Variants in TSHZ2 observed in about 807,000 individuals in gnomAD.
The protein encoded by TSHZ2 is teashirt homolog 2.
A neutral mutation model predicts 74.4 loss-of-function variants in TSHZ2; 21 were observed. That is an observed-to-expected ratio of 0.28 (90% CI 0.20 to 0.41). The LOEUF is 0.41. Ranked by LOEUF, TSHZ2 falls within the 10% of genes least tolerant of loss-of-function variation. The pLI, the probability that TSHZ2 is intolerant of heterozygous loss-of-function variation, is 1.00. For missense variants in TSHZ2, 1,244 were observed against 1,293.5 expected, an observed-to-expected ratio of 0.96 and a Z score of 0.59; for synonymous variants, 540 against 515.3, an observed-to-expected ratio of 1.05 and a Z score of -0.65.
intron 1 of TSHZ2, among the ~76,000 whole-genome samples, chr20:53,038,874 GTTTGT>G (rs1555817840): frequency 9.2e-6 from 1 of 109,092 alleles, no homozygotes; most frequent in Non-Finnish European, 1.8e-5. Flanking sequence ...TTTTTTGTTT[GTTTGT>G]TTTGTTTTGT....
rs1447364095 is a variant in TSHZ2, at chr20:53,257,458, T to C, written c.*8+887T>C. Among the ~76,000 whole-genome samples the C allele has an allele frequency of 2.0e-5, 3 of 152,354 alleles. No individual in the cohort carries two copies. The East Asian group carries it at 5.8e-4, about 29-fold the overall frequency. On this transcript the variant is annotated intron_variant, in intron 2 of 2. Coordinates refer to ENST00000371497, the MANE Select transcript of TSHZ2 (RefSeq NM_173485.6). ...TGTGTCATAGAAGTTCCATGCCTTA[T>C]ATAGTCAACCATGCCCAGACCATTT...
intron 1 of TSHZ2, among the ~76,000 whole-genome samples, chr20:53,235,538 C>A (rs1317800554): frequency 6.6e-6 from 1 of 152,074 alleles, no homozygotes; most frequent in Non-Finnish European, 1.5e-5. Context: ...TTCTGCTAGC[C>A]CGAAATCCCT....
intron 2 of TSHZ2, among the ~76,000 whole-genome samples, chr20:53,410,106 C>A (rs1983000957): frequency 6.6e-6 from 1 of 152,058 alleles, no homozygotes; most frequent in South Asian, 2.1e-4. Flanking sequence ...CTCGGCCTCC[C>A]AAAGTGCTAG....
At chr20:53,389,351 C>T (rs868726991) in intron 2 of TSHZ2, among the ~76,000 whole-genome samples, 1 of 152,222 alleles carries the variant, frequency 6.6e-6, no homozygotes, top group South Asian at 2.1e-4. Flanking sequence ...GGACTCGAAG[C>T]TCAACTCCTA....
chr20:53,161,497 G>T (rs1987939377), intron 1 of TSHZ2, among the ~76,000 whole-genome samples: 2 of 152,236 alleles, frequency 1.3e-5, no homozygotes, highest in South Asian at 4.1e-4. Context: ...ATAAAGGAAA[G>T]AGATGTAATT....
intron 2 of TSHZ2, among the ~76,000 whole-genome samples, chr20:53,442,920 A>G (rs1283122733): frequency 6.6e-6 from 1 of 152,196 alleles, no homozygotes; most frequent in Admixed American, 6.5e-5. Flanking sequence ...GTAAAAACCA[A>G]TTTGCAGTAA....
intron 1 of TSHZ2, among the ~76,000 whole-genome samples, chr20:53,206,385 T>C (rs1401000041): frequency 1.3e-5 from 2 of 152,218 alleles, no homozygotes; most frequent in Non-Finnish European, 2.9e-5. Context: ...ATAAACACGA[T>C]GATGAGGATA....
intron 2 of TSHZ2, among the ~76,000 whole-genome samples, chr20:53,359,400 G>A (rs914065810): frequency 6.6e-6 from 1 of 152,082 alleles, no homozygotes; most frequent in Non-Finnish European, 1.5e-5. Flanking sequence ...TTCCTTAGCC[G>A]TGATTCTCAA....
At chr20:53,194,915 G>A (rs766976332) in intron 1 of TSHZ2, among the ~76,000 whole-genome samples, 11 of 152,216 alleles carry the variant, frequency 7.2e-5, no homozygotes, top group Non-Finnish European at 1.3e-4. Flanking sequence ...TACAGAATGA[G>A]TGCAAAGACC....
chr20:53,398,059 A>C (rs1047289496), intron 2 of TSHZ2: 3 of 152,218 alleles, frequency 2.0e-5, no homozygotes, highest in African/African-American at 7.2e-5. Context: ...CAGCACACCA[A>C]CATGACACAT....
At chr20:53,166,408 A>G (rs1988064433) in intron 1 of TSHZ2, among the ~76,000 whole-genome samples, 1 of 152,124 alleles carries the variant, frequency 6.6e-6, no homozygotes, top group Non-Finnish European at 1.5e-5. Flanking sequence ...TCTTGAGGCC[A>G]GGAGTTTGAG....
At chr20:53,144,191 T>C (rs965535676) in intron 1 of TSHZ2, among the ~76,000 whole-genome samples, 8 of 152,154 alleles carry the variant, frequency 5.3e-5, no homozygotes, top group African/African-American at 1.9e-4. Context: ...ATTGGGAAGT[T>C]TAGAATCTTG....
chr20:53,114,971 G>T (rs2123333963), intron 1 of TSHZ2, among the ~76,000 whole-genome samples: 1 of 152,310 alleles, frequency 6.6e-6, no homozygotes, highest in Middle Eastern at 3.4e-3. Flanking sequence ...ATTCTTCCTT[G>T]CATGTGGGAG....
intron 1 of TSHZ2, among the ~76,000 whole-genome samples, chr20:52,989,575 G>A (rs962225546): frequency 6.6e-6 from 1 of 152,196 alleles, no homozygotes; most frequent in Non-Finnish European, 1.5e-5. Flanking sequence ...ATAGGCATAA[G>A]GAGAGTTCTT....
At chr20:53,191,732 C>T (rs1051506643) in intron 1 of TSHZ2, among the ~76,000 whole-genome samples, 4 of 152,168 alleles carry the variant, frequency 2.6e-5, no homozygotes, top group Admixed American at 1.3e-4. Flanking sequence ...ATCACTTGTT[C>T]CCCAGCACTG....
At chr20:53,151,792 A>C (rs1053862345) in intron 1 of TSHZ2, among the ~76,000 whole-genome samples, 1 of 152,216 alleles carries the variant, frequency 6.6e-6, no homozygotes, top group African/African-American at 2.4e-5. Flanking sequence ...AGTTATTTTT[A>C]AATTTTATAT....
intron 2 of TSHZ2, among the ~76,000 whole-genome samples, chr20:53,341,157 G>T (rs920852840): frequency 6.6e-6 from 1 of 152,190 alleles, no homozygotes; most frequent in African/African-American, 2.4e-5. Context: ...GGGGCAGTGA[G>T]TAAATTCCCT....
In TSHZ2 at chr20:53,475,887, G is replaced by A. The variant is rs1282028315; in HGVS notation, c.*9-11257G>A. 1.8e-3 allele frequency among the ~76,000 whole-genome samples: 228 copies of A among 125,898 alleles called. 8 individuals are homozygous for A. The South Asian group carries it at 0.042, about 23-fold the overall frequency. 82.6% of individuals were successfully genotyped at this position (125,898 alleles called of 152,430 possible). ...CAGAGAATACTACAAACACCTCTAT[G>A]CAAATAAACTAGAAAATCTAGAAGA... On this transcript the variant is annotated intron_variant, in intron 2 of 2. Coordinates refer to ENST00000371497, the MANE Select transcript of TSHZ2 (RefSeq NM_173485.6).
At chr20:53,338,136 C>G (rs1236097575) in intron 2 of TSHZ2, among the ~76,000 whole-genome samples, 1 of 152,230 alleles carries the variant, frequency 6.6e-6, no homozygotes, top group Non-Finnish European at 1.5e-5. Context: ...TGGCCTGTCG[C>G]AGGCATTCAC....
Sources: allele counts gnomAD v4.1 joint callset (sites outside exome capture counted in the v4.1 genomes callset), GRCh38; gene constraint gnomAD v4.1.1; transcripts MANE v1.5; gene names NCBI Gene and HGNC (gene_info 2026-07-23, HGNC 2026-07-21).